The following CSMD1 variants were observed in gnomAD, a reference collection of about 807,000 sequenced individuals.
CSMD1 encodes CUB and Sushi multiple domains 1.
In CSMD1, 213 loss-of-function variants were observed where a neutral mutation model predicts 417.5. The observed-to-expected ratio is 0.51, with a 90% CI of 0.46 to 0.57. The LOEUF (loss-of-function observed/expected upper bound fraction) is 0.57, where lower values mean the gene tolerates loss of function less well. CSMD1 is among the 20% of genes least tolerant of loss of function. CSMD1 has a pLI of 0.00. For synonymous variants in CSMD1, 2,862 were observed against 1,736.8 expected (o/e 1.65, Z -16.11); for missense variants, 6,923 against 4,529.7 (o/e 1.53, Z -15.17).
In CSMD1 at chr8:3,367,129, A is replaced by G. The variant is rs767193836; in HGVS notation, c.3018T>C (p.His1006=). 1.2e-6 allele frequency: 2 copies of G among 1,613,792 alleles called. No individual in the cohort carries two copies. Among genetic ancestry groups the G allele is most frequent in the Non-Finnish European group, 8.5e-7 (1 of 1,179,800 alleles). ...VARLTGSVLP[H]TIKAGLFGNF... ...TTCCAAACAGGCCTGCCTTGATCGTATGAGGCAACACCGACCCGGTGAGCC... is the reference window on the plus strand; with the variant it reads ...TTCCAAACAGGCCTGCCTTGATCGTGTGAGGCAACACCGACCCGGTGAGCC... Residue 1006 remains histidine, a synonymous_variant, in exon 20 of 70, where the codon CAT becomes CAC. Coordinates refer to ENST00000635120, the MANE Select transcript of CSMD1 (RefSeq NM_033225.6).
chr8:4,628,383 C>T (rs1402535281), intron 2 of CSMD1, among the ~76,000 whole-genome samples: 1 of 145,060 alleles, frequency 6.9e-6, no homozygotes, highest in Non-Finnish European at 1.5e-5. Flanking sequence ...TATATATACA[C>T]ACATATATAT....
At chr8:4,186,058 G>A (rs1400680270) in intron 3 of CSMD1, among the ~76,000 whole-genome samples, 4 of 152,252 alleles carry the variant, frequency 2.6e-5, no homozygotes, top group African/African-American at 7.2e-5. Flanking sequence ...CCTGGATTCT[G>A]CACGTGTGGA....
chr8:3,799,507 G>C (rs545343032), intron 5 of CSMD1, among the ~76,000 whole-genome samples: 20 of 148,394 alleles, frequency 1.3e-4, no homozygotes, highest in Non-Finnish European at 2.4e-4. Flanking sequence ...AAGAAGTAAA[G>C]CATACATGTA....
chr8:4,560,428 G>C (rs750985998), intron 2 of CSMD1, among the ~76,000 whole-genome samples: 1 of 152,106 alleles, frequency 6.6e-6, no homozygotes, highest in Non-Finnish European at 1.5e-5. Context: ...ATGTCTGATG[G>C]GCTTAGCAAT....
At chr8:4,009,885 T>C (rs1245096658) in intron 4 of CSMD1, among the ~76,000 whole-genome samples, 1 of 152,070 alleles carries the variant, frequency 6.6e-6, no homozygotes, top group East Asian at 1.9e-4. Flanking sequence ...ACATCCTTTG[T>C]CTTCCTTTAC....
intron 8 of CSMD1, among the ~76,000 whole-genome samples, chr8:3,603,419 A>G (rs4875244): frequency 0.28 from 41,879 of 151,980 alleles, 7,135 homozygotes; most frequent in East Asian, 0.57. Flanking sequence ...CTTGCGAGCT[A>G]AAGCCTCCTT....
chr8:4,322,712 G>T (rs750479446), intron 3 of CSMD1, among the ~76,000 whole-genome samples: 4 of 152,174 alleles, frequency 2.6e-5, no homozygotes, highest in Non-Finnish European at 5.9e-5. Context: ...AAATGCAGTA[G>T]GGGCCAGGCA....
intron 3 of CSMD1, among the ~76,000 whole-genome samples, chr8:4,369,092 A>C (rs769594119): frequency 2.6e-5 from 4 of 152,108 alleles, no homozygotes; most frequent in Non-Finnish European, 5.9e-5. Flanking sequence ...AAGTGCTAAA[A>C]ACTTTCCTCT....
intron 3 of CSMD1, among the ~76,000 whole-genome samples, chr8:4,289,021 T>A (rs1031203131): frequency 6.6e-6 from 1 of 152,168 alleles, no homozygotes; most frequent in Non-Finnish European, 1.5e-5. Context: ...AAGCTATCTG[T>A]TCAAGCAATG....
At chr8:3,617,015 G>T (rs1482511513) in intron 7 of CSMD1, among the ~76,000 whole-genome samples, 1 of 152,004 alleles carries the variant, frequency 6.6e-6, no homozygotes, top group Non-Finnish European at 1.5e-5. Context: ...ATAATCTTTG[G>T]TTTTATTTCT....
At position 4,891,520 on chromosome 8, in the gene CSMD1, C is replaced by T. The variant is rs562717606; in HGVS notation, c.85+102812G>A. 2.4e-3 allele frequency among the ~76,000 whole-genome samples: 366 copies of T among 152,168 alleles called. 5 individuals are homozygous for T. The highest frequency in any genetic ancestry group is 8.6e-3 in the African/African-American group (356 of 41,476). On this transcript the variant is annotated intron_variant, in intron 1 of 69. Transcript: ENST00000635120. ...AAGAATTAGACAATAGTGTTTTATA[C>T]TAAAAATATTTTTATAGGGAGTTTG...
intron 1 of CSMD1, among the ~76,000 whole-genome samples, chr8:4,715,657 G>T (rs12681885): frequency 9.9e-5 from 15 of 152,098 alleles, no homozygotes; most frequent in African/African-American, 3.6e-4. Flanking sequence ...TTCTCTTCCA[G>T]ATTCATCTTA....
intron 1 of CSMD1, among the ~76,000 whole-genome samples, chr8:4,864,119 T>A (rs1394176110): frequency 6.6e-6 from 1 of 151,980 alleles, no homozygotes; most frequent in African/African-American, 2.4e-5. Flanking sequence ...GTTGAAAACT[T>A]TGTCTGGGTA....
At chr8:3,578,738 T>A (rs1276090553) in intron 9 of CSMD1, among the ~76,000 whole-genome samples, 1 of 152,204 alleles carries the variant, frequency 6.6e-6, no homozygotes, top group Non-Finnish European at 1.5e-5. Flanking sequence ...CTGTTCTGAC[T>A]GGGACTGGAC....
Position 4,031,994 on chromosome 8 carries a change from C to G in CSMD1, c.521G>C (p.Gly174Ala). ...GDKIRYSCLP[G>A]YILEGHAILT... ...GATGGCGTGGCCTTCCAAGATGTAG[C>G]CAGGGAGGCAGCTGTACCGGATTTT... is the stretch of plus-strand genomic sequence containing the variant. Residue 174 changes from glycine (G) to alanine (A), a missense_variant, in exon 4 of 70, where the codon GGC (glycine) becomes GCC (alanine). Transcript: ENST00000635120. The G allele has an allele frequency of 1.9e-6, 3 of 1,613,938 alleles. No homozygotes were observed. The highest frequency in any genetic ancestry group is 2.5e-6 in the Non-Finnish European group (3 of 1,179,878).
intron 54 of CSMD1, among the ~76,000 whole-genome samples, chr8:2,992,351 G>A (rs1384722041): frequency 6.6e-6 from 1 of 152,110 alleles, no homozygotes; most frequent in African/African-American, 2.4e-5. Flanking sequence ...TGCACAACAT[G>A]GTCATGGCGA....
intron 5 of CSMD1, among the ~76,000 whole-genome samples, chr8:3,786,155 G>A (rs568186313): frequency 1.3e-5 from 2 of 152,266 alleles, no homozygotes; most frequent in South Asian, 2.1e-4. Flanking sequence ...GGACACAGAG[G>A]AGCACCTGGT....
intron 1 of CSMD1, among the ~76,000 whole-genome samples, chr8:4,939,232 A>T (rs1367120806): frequency 6.6e-6 from 1 of 152,226 alleles, no homozygotes; most frequent in Admixed American, 6.5e-5. Flanking sequence ...GCAAATATGG[A>T]AAATTATATC....
At chr8:4,811,390 T>G (rs1369763247) in intron 1 of CSMD1, among the ~76,000 whole-genome samples, 1 of 152,186 alleles carries the variant, frequency 6.6e-6, no homozygotes, top group African/African-American at 2.4e-5. Flanking sequence ...AAAATTAGTT[T>G]TTTTTAAGTA....
Sources: allele counts gnomAD v4.1 joint callset (sites outside exome capture counted in the v4.1 genomes callset), GRCh38; gene constraint gnomAD v4.1.1; transcripts MANE v1.5; gene names NCBI Gene and HGNC (gene_info 2026-07-23, HGNC 2026-07-21).